The following MS4A12 variants were observed in gnomAD, a reference collection of about 807,000 sequenced individuals.
MS4A12 encodes membrane-spanning 4-domains subfamily A member 12.
MS4A12 carries 28 observed loss-of-function variants against 23.7 expected under a neutral mutation model. The ratio of observed to expected loss-of-function variants is 1.18; its 90% CI spans 0.88 to 1.62. The LOEUF is 1.62. MS4A12 is among the 40% of genes most tolerant of loss of function. The probability of loss-of-function intolerance (pLI) is 0.00; values close to 1 mark genes in which losing one functional copy is unlikely to be tolerated. For missense variants in MS4A12, 342 were observed against 327.0 expected (o/e 1.05, Z -0.35); for synonymous variants, 108 against 110.1 (o/e 0.98, Z 0.12).
At chr11:60,502,232 A>G (rs978050176) in intron 4 of MS4A12, among the ~76,000 whole-genome samples, 193 bp downstream of exon 4, 6 of 152,218 alleles carry the variant, frequency 3.9e-5, no homozygotes, top group Non-Finnish European at 8.8e-5. Context: ...GAAATGGCAG[A>G]GCTCCATATC....
intron 2 of MS4A12, among the ~76,000 whole-genome samples, chr11:60,499,584 G>T (rs4939381): frequency 0.57 from 86,977 of 152,132 alleles, 25,037 homozygotes; most frequent in East Asian, 0.65. Flanking sequence ...GAATGTGCAA[G>T]AATAATTTTT....
At chr11:60,493,626 A>T (rs964144238) in intron 1 of MS4A12, among the ~76,000 whole-genome samples, 8 of 152,092 alleles carry the variant, frequency 5.3e-5, no homozygotes. Context: ...GGGAAAGAAC[A>T]TTCATTTTCA....
chr11:60,506,408 G>A (rs1429554417), intron 5 of MS4A12, among the ~76,000 whole-genome samples: 1 of 151,928 alleles, frequency 6.6e-6, no homozygotes, highest in Non-Finnish European at 1.5e-5. Flanking sequence ...GTTGGTTTCT[G>A]TATTGCTTGA....
chr11:60,493,193 T>G (rs1297350497), intron 1 of MS4A12, among the ~76,000 whole-genome samples: 2 of 151,852 alleles, frequency 1.3e-5, no homozygotes, highest in Non-Finnish European at 2.9e-5. Context: ...CTGCCTAACA[T>G]GGTGAAACCC....
intron 1 of MS4A12, among the ~76,000 whole-genome samples, chr11:60,496,674 G>A (rs1181187588): frequency 1.3e-5 from 2 of 152,140 alleles, no homozygotes; most frequent in Non-Finnish European, 2.9e-5. Flanking sequence ...CAAATGTAGT[G>A]GCTTAAAACA....
At chr11:60,499,627 C>T (rs1294404520) in intron 2 of MS4A12, among the ~76,000 whole-genome samples, 7 of 152,166 alleles carry the variant, frequency 4.6e-5, no homozygotes, top group Non-Finnish European at 1.5e-5. Flanking sequence ...TTATTGATGT[C>T]TCAAGAAACT....
intron 2 of MS4A12, among the ~76,000 whole-genome samples, chr11:60,500,242 AAAAAAAACC>A (rs1386655864): frequency 2.0e-5 from 3 of 150,426 alleles, no homozygotes; most frequent in African/African-American, 7.3e-5. Context: ...CTCTGTCTCA[AAAAAAAACC>A]AAAAAAAAAC....
At chr11:60,503,623 T>C in intron 4 of MS4A12, 78 bp from the exon 5 acceptor site, 1 of 1,168,308 alleles carries the variant, frequency 8.6e-7, no homozygotes, top group Non-Finnish European at 1.2e-6. Context: ...TTAAGAACCA[T>C]GAAATTTGAT....
chr11:60,505,267 A>T (rs2135235495), intron 5 of MS4A12, among the ~76,000 whole-genome samples: 1 of 152,264 alleles, frequency 6.6e-6, no homozygotes, highest in East Asian at 1.9e-4. Flanking sequence ...AAACCATCAG[A>T]TCTCATGAGA....
intron 2 of MS4A12, 160 bp downstream of exon 2, chr11:60,497,754 T>C: frequency 1.2e-6 from 1 of 828,416 alleles, no homozygotes; most frequent in South Asian, 1.9e-5. Context: ...TTCCCTTGAG[T>C]TCATTTCATT....
Position 60,502,038 on chromosome 11 carries a change from TG to T in MS4A12, c.471+1del, listed in dbSNP as rs2086534314. On this transcript the variant is annotated frameshift_variant and splice_region_variant, in exon 4 of 7. Coordinates refer to ENST00000016913, the MANE Select transcript of MS4A12 (RefSeq NM_017716.3). LOFTEE classifies it high-confidence loss of function. ...GCATCCAAGGAGCTTTCCCGTTGTC[TG>T]GTAAGTTAGACTGTCTCTACTTTTT... ...VSASKELSRC[L>X]VKGSLGMNIV... 2 of 1,609,866 alleles carry T rather than the reference TG, an allele frequency of 1.2e-6. No individual in the cohort carries two copies. The highest frequency in any genetic ancestry group is 1.7e-6 in the Non-Finnish European group (2 of 1,176,292).
intron 5 of MS4A12, 52 bp from the exon 6 acceptor site, chr11:60,506,676 A>C (rs1461600862): frequency 9.0e-6 from 13 of 1,448,786 alleles, no homozygotes; most frequent in Non-Finnish European, 1.2e-5. Flanking sequence ...TTTGAAGCCC[A>C]CGTGAGGCCC....
At chr11:60,497,905 C>A in intron 2 of MS4A12, 1 of 230,900 alleles carries the variant, frequency 4.3e-6, no homozygotes, top group Non-Finnish European at 8.5e-6. Context: ...TCAATCCCAT[C>A]TCTGGATTAG....
intron 2 of MS4A12, 54 bp from the exon 3 acceptor site, chr11:60,500,991 T>C: frequency 1.3e-6 from 2 of 1,543,190 alleles, no homozygotes; most frequent in Non-Finnish European, 1.7e-6. Context: ...ACAGTAATGT[T>C]TCACACGTCT....
intron 4 of MS4A12, among the ~76,000 whole-genome samples, chr11:60,503,088 A>C (rs779867722): frequency 6.6e-4 from 100 of 152,288 alleles, no homozygotes; most frequent in Non-Finnish European, 1.0e-3. Flanking sequence ...TTTCACAATT[A>C]TTCTTCTGCA....
intron 2 of MS4A12, among the ~76,000 whole-genome samples, chr11:60,499,595 C>T (rs1375770226): frequency 1.3e-5 from 2 of 152,166 alleles, no homozygotes; most frequent in Non-Finnish European, 2.9e-5. Flanking sequence ...AATAATTTTT[C>T]AGGGAGAAAG....
At position 60,497,251 on chromosome 11, in the gene MS4A12, AG is replaced by A. The variant is rs1325733807; in HGVS notation, c.-6-61del. On this transcript the variant is annotated intron_variant, in intron 1 of 6. Transcript: ENST00000016913. ...GATAATTGACATTTGACATTTGGTAAGATTTTCTTTAGTTTCTTTTCTGGAT... is the reference window on the plus strand; with the variant it reads ...GATAATTGACATTTGACATTTGGTAAATTTTCTTTAGTTTCTTTTCTGGAT... 19 of 1,493,642 alleles carry A rather than the reference AG, an allele frequency of 1.3e-5. No homozygotes were observed. In the East Asian group the frequency reaches 3.9e-4, roughly 30 times the overall value. 92.5% of individuals were successfully genotyped at this position (1,493,642 alleles called of 1,614,324 possible). A position where few individuals can be genotyped will look rare whatever the true frequency, so the allele number is the denominator to read the frequency against.
At chr11:60,504,200 G>A (rs2086553525) in intron 5 of MS4A12, among the ~76,000 whole-genome samples, 1 of 152,250 alleles carries the variant, frequency 6.6e-6, no homozygotes, top group Non-Finnish European at 1.5e-5. Flanking sequence ...TGAAGTGAGA[G>A]GGAAATGACA....
intron 4 of MS4A12, among the ~76,000 whole-genome samples, chr11:60,502,982 T>C (rs2086542385): frequency 6.6e-6 from 1 of 152,130 alleles, no homozygotes; most frequent in Non-Finnish European, 1.5e-5. Context: ...CTAAGAGCTT[T>C]TAGAGAACTT....
Sources: gnomAD v4.1 joint callset for allele counts (sites outside exome capture counted in the v4.1 genomes callset) on GRCh38, gnomAD v4.1.1 for gene constraint, MANE v1.5 for transcripts, NCBI Gene and HGNC (gene_info 2026-07-23, HGNC 2026-07-21) for gene names.